The following TRPM1 variants were observed in gnomAD, a reference collection of about 807,000 sequenced individuals.
The protein encoded by TRPM1 is transient receptor potential cation channel subfamily M member 1.
Under a neutral mutation model 149.4 loss-of-function variants are expected in TRPM1, and 113 were observed. The observed-to-expected ratio is 0.76, with a 90% CI of 0.65 to 0.88. The LOEUF is 0.88. Ranked by LOEUF, TRPM1 falls within the 40% of genes least tolerant of loss-of-function variation. The pLI is 0.00. For synonymous variants in TRPM1, 741 were observed against 759.5 expected, an observed-to-expected ratio of 0.98 and a Z score of 0.40; for missense variants, 1,976 against 2,038.7, an observed-to-expected ratio of 0.97 and a Z score of 0.59.
intron 1 of TRPM1, among the ~76,000 whole-genome samples, chr15:31,126,242 A>G (rs1250856826): frequency 2.0e-5 from 3 of 152,260 alleles, no homozygotes; most frequent in Non-Finnish European, 2.9e-5. Flanking sequence ...CATCTTTCAC[A>G]GTAATTGATA....
chr15:31,099,386 T>TAC (rs1162637345), intron 1 of TRPM1, among the ~76,000 whole-genome samples: 1 of 151,858 alleles, frequency 6.6e-6, no homozygotes, highest in African/African-American at 2.4e-5. Flanking sequence ...GTCCAGCATT[T>TAC]ACACACACAC....
intron 1 of TRPM1, among the ~76,000 whole-genome samples, chr15:31,101,146 G>A (rs1402945773): frequency 6.6e-6 from 1 of 152,180 alleles, no homozygotes. Flanking sequence ...CATTTTCTGG[G>A]GTTCTAAGGA....
At chr15:31,100,997 T>A (rs976910041) in intron 1 of TRPM1, among the ~76,000 whole-genome samples, 1 of 152,172 alleles carries the variant, frequency 6.6e-6, no homozygotes, top group African/African-American at 2.4e-5. Context: ...TTTGCACTGC[T>A]CCCAGCAGTG....
Position 31,070,098 on chromosome 15 carries a change from T to A in TRPM1, c.212A>T (p.Gln71Leu). The A allele has an allele frequency of 1.2e-6, 2 of 1,613,944 alleles. No homozygotes were observed. Among genetic ancestry groups the A allele is most frequent in the Non-Finnish European group, 8.5e-7 (1 of 1,179,800 alleles). ...TCCATAGGAATCTGTTGGGTAGCTCTGGGTGTGCTTGGCAACAGACCATTT... is the reference window on the plus strand; with the variant it reads ...TCCATAGGAATCTGTTGGGTAGCTCAGGGTGTGCTTGGCAACAGACCATTT... The part of the protein sequence containing the change: ...PEKWSVAKHT[Q>L]SYPTDSYGVL... Residue 71 changes from glutamine (Q) to leucine (L), a missense_variant, in exon 4 of 28, where the codon CAG (glutamine) becomes CTG (leucine). This residue lies in a region of TRPM1 where 1,332 missense variants were observed against 1,347.1 expected (regional missense o/e 0.99). Coordinates refer to ENST00000256552, the MANE Select transcript of TRPM1 (RefSeq NM_001252024.2).
rs1463889898 is a variant in TRPM1 at position 31,072,505 on chromosome 15, T to A, written c.84-2279A>T. Among the ~76,000 whole-genome samples the A allele has an allele frequency of 4.6e-5, 7 of 152,122 alleles. 1 individual carries two copies. The highest frequency in any genetic ancestry group is 1.0e-4 in the Non-Finnish European group (7 of 68,006). On this transcript the variant is annotated intron_variant, in intron 3 of 27. Transcript: ENST00000256552. The stretch of plus-strand genomic sequence containing the variant: ...AATATTTATGTAACAAGTTTTTGAG[T>A]GGATGAATGTTTTCATTTTTCTTGG...
At chr15:31,035,727 A>G (rs2033338464) in intron 20 of TRPM1, 53 bp from the exon 21 acceptor site, 1 of 1,613,326 alleles carries the variant, frequency 6.2e-7, no homozygotes, top group Admixed American at 1.7e-5. Flanking sequence ...ATAGCAATCA[A>G]ATTTTGAAAC....
intron 14 of TRPM1, 110 bp from the exon 15 acceptor site, chr15:31,047,361 T>C (rs1399889233): frequency 8.2e-7 from 1 of 1,215,574 alleles, no homozygotes; most frequent in Non-Finnish European, 1.2e-6. Context: ...GGAGTTCATG[T>C]AACAGGTGGG....
chr15:31,033,010 CAA>C lies in TRPM1; in HGVS notation c.2701-72_2701-71del. ...GAAGTCTTGTCTTAGAATCTTGGAACAATAAGACTGATGGAACATTCCAGGTC... is the reference window on the plus strand; with the variant it reads ...GAAGTCTTGTCTTAGAATCTTGGAACTAAGACTGATGGAACATTCCAGGTC... On this transcript the variant is annotated intron_variant, in intron 21 of 27. Transcript: ENST00000256552. 3.8e-6 allele frequency: 6 copies of C among 1,599,516 alleles called. No homozygotes were observed. The South Asian group carries it at 6.6e-5, about 18-fold the overall frequency.
intron 1 of TRPM1, among the ~76,000 whole-genome samples, chr15:31,109,333 C>CAAAAAAAAAAAAAAAA (rs36072024): frequency 6.2e-5 from 2 of 32,300 alleles, no homozygotes; most frequent in African/African-American, 9.6e-5. Flanking sequence ...GACTCTGCCT[C>CAAAAAAAAAAAAAAAA]AAAAAAAAAA....
At chr15:31,110,716 T>C (rs1290029308) in intron 1 of TRPM1, among the ~76,000 whole-genome samples, 1 of 152,088 alleles carries the variant, frequency 6.6e-6, no homozygotes, top group Non-Finnish European at 1.5e-5. Context: ...CTCCCCATCC[T>C]CCATTGGAGG....
rs139805265 is a variant in TRPM1 at position 31,041,110 on chromosome 15, C to T, written c.2088-764G>A. 2.4e-3 allele frequency among the ~76,000 whole-genome samples: 371 copies of T among 152,000 alleles called. 2 individuals are homozygous for T. The highest frequency in any genetic ancestry group is 0.014 in the Middle Eastern group (4 of 290). ...AAGTTTACTGCCTTCCCCACATGATCCAGATTCAAATATTTGGCAATAACC... is the reference window on the plus strand; with the variant it reads ...AAGTTTACTGCCTTCCCCACATGATTCAGATTCAAATATTTGGCAATAACC... On this transcript the variant is annotated intron_variant, in intron 17 of 27. Coordinates refer to ENST00000256552, the MANE Select transcript of TRPM1 (RefSeq NM_001252024.2).
chr15:31,129,916 T>C lies in TRPM1; in HGVS notation c.54+30990A>G, dbSNP rs760446812. Among the ~76,000 whole-genome samples, 31 of 152,242 alleles carry C rather than the reference T, an allele frequency of 2.0e-4. 1 individual carries two copies. The highest frequency in any genetic ancestry group is 1.8e-3 in the Admixed American group (27 of 15,288). ...GTGGCTGACTCTGTCAGGGACATTCTGCAGACTCCACATGCTCTCTGAGCC... is the reference window on the plus strand; with the variant it reads ...GTGGCTGACTCTGTCAGGGACATTCCGCAGACTCCACATGCTCTCTGAGCC... On this transcript the variant is annotated intron_variant, in intron 1 of 26. Transcript: ENST00000542188.
chr15:31,076,953 CA>C lies in TRPM1; in HGVS notation c.34del (p.Cys12AlafsTer8), dbSNP rs779035981. The C allele has an allele frequency of 1.2e-6, 2 of 1,612,700 alleles. No individual in the cohort carries two copies. The highest frequency in any genetic ancestry group is 2.2e-5 in the South Asian group (2 of 91,054). ...GQKSWIEKTF[C>X]KRECIFVIPS... ...AATTACAAAGATACATTCCCGTTTG[CA>C]AAAGGTTTTCTCTATCCAAGATTTC... On this transcript the variant is annotated frameshift_variant, in exon 3 of 28. Transcript: ENST00000256552. LOFTEE classifies it high-confidence loss of function.
chr15:31,136,740 G>A lies in TRPM1; in HGVS notation c.54+24166C>T, dbSNP rs1027222719. On this transcript the variant is annotated intron_variant, in intron 1 of 26. Transcript: ENST00000542188. ...CTGTTTGTTTCTGCTTTCCTCAGCC[G>A]CCCCCACCCTTTTTTTTTTTTTTGC... is the stretch of plus-strand genomic sequence containing the variant. 3.5e-5 allele frequency among the ~76,000 whole-genome samples: 5 copies of A among 141,234 alleles called. No homozygotes were observed. The South Asian group carries it at 8.8e-4, about 25-fold the overall frequency. 92.7% of individuals were successfully genotyped at this position (141,234 alleles called of 152,430 possible).
chr15:31,145,640 C>T (rs2036215677), intron 1 of TRPM1, among the ~76,000 whole-genome samples: 1 of 152,232 alleles, frequency 6.6e-6, no homozygotes, highest in Non-Finnish European at 1.5e-5. Context: ...GTTAGAATTG[C>T]TATGTAACAA....
intron 11 of TRPM1, among the ~76,000 whole-genome samples, chr15:31,057,718 G>C (rs1596024782): frequency 6.6e-6 from 1 of 152,284 alleles, no homozygotes; most frequent in African/African-American, 2.4e-5. Flanking sequence ...CAAGAGCCTT[G>C]ATATGGTTTG....
intron 1 of TRPM1, among the ~76,000 whole-genome samples, chr15:31,092,364 G>A (rs1263848108): frequency 6.6e-6 from 1 of 152,128 alleles, no homozygotes; most frequent in African/African-American, 2.4e-5. Flanking sequence ...CTGTGGATGA[G>A]TTAGGGTTTT....
At chr15:31,067,288 C>T in intron 5 of TRPM1, 101 bp from the exon 6 acceptor site, 2 of 1,540,224 alleles carry the variant, frequency 1.3e-6, no homozygotes, top group East Asian at 2.2e-5. Context: ...ACATTCCCTA[C>T]AGATCAGGGG....
chr15:31,113,114 G>A (rs141157823), intron 1 of TRPM1, among the ~76,000 whole-genome samples: 5 of 152,260 alleles, frequency 3.3e-5, no homozygotes, highest in East Asian at 3.9e-4. Context: ...CTTGGCTTTA[G>A]GTAGCTAAGA....
Sources: allele counts gnomAD v4.1 joint callset (sites outside exome capture counted in the v4.1 genomes callset), GRCh38; gene constraint gnomAD v4.1.1; regional missense constraint gnomAD v4.1.1; transcripts MANE v1.5; gene names NCBI Gene and HGNC (gene_info 2026-07-23, HGNC 2026-07-21).